CACNA2D3: variants seen among roughly 807,000 people sequenced by gnomAD.
CACNA2D3 encodes voltage-dependent calcium channel subunit alpha-2/delta-3.
CACNA2D3 carries 60 observed loss-of-function variants against 160.6 expected under a neutral mutation model. The ratio of observed to expected loss-of-function variants is 0.37; its 90% CI spans 0.30 to 0.46. The LOEUF (loss-of-function observed/expected upper bound fraction) is 0.46, where lower values mean the gene tolerates loss of function less well. CACNA2D3 is among the 20% of genes least tolerant of loss of function. The pLI is 1.00. For missense variants in CACNA2D3, 1,205 were observed against 1,365.0 expected (o/e 0.88, Z 1.85); for synonymous variants, 558 against 492.9 (o/e 1.13, Z -1.75).
chr3:54,919,581 T>C (rs1485395091), intron 27 of CACNA2D3, among the ~76,000 whole-genome samples: 7 of 152,160 alleles, frequency 4.6e-5, no homozygotes, highest in African/African-American at 1.7e-4. Flanking sequence ...TATCCTCAGG[T>C]GTGTAGACTG....
intron 30 of CACNA2D3, 142 bp downstream of exon 30, chr3:54,984,812 A>T (rs1315418063): frequency 1.6e-6 from 1 of 625,672 alleles, no homozygotes; most frequent in African/African-American, 1.9e-5. Context: ...CCTTATTTCC[A>T]TCCCTCTAAG....
chr3:55,007,406 G>C (rs1242399550), intron 32 of CACNA2D3, among the ~76,000 whole-genome samples: 1 of 152,172 alleles, frequency 6.6e-6, no homozygotes, highest in African/African-American at 2.4e-5. Flanking sequence ...TTTCCAAGAG[G>C]CTGCCCTGTA....
rs370252088 is a variant in CACNA2D3 at position 54,464,939 on chromosome 3, C to A, written c.382-38553C>A. ...TTCTCCTTAAATACATTTTCTATGC[C>A]TTTTCCCATCTCTTCTCCTTTTTGA... On this transcript the variant is annotated intron_variant, in intron 4 of 37. Transcript: ENST00000474759. Among the ~76,000 whole-genome samples, 189 of 152,228 alleles carry A rather than the reference C, an allele frequency of 1.2e-3. 3 individuals are homozygous for A. The South Asian group carries it at 0.039, about 31-fold the overall frequency.
chr3:54,656,113 T>C (rs1249359468), intron 11 of CACNA2D3, among the ~76,000 whole-genome samples: 1 of 152,204 alleles, frequency 6.6e-6, no homozygotes, highest in Non-Finnish European at 1.5e-5. Flanking sequence ...CATGGGACCC[T>C]GGACCAGGAT....
At position 54,704,963 on chromosome 3, in the gene CACNA2D3, T is replaced by TG. The variant is rs1375100373; in HGVS notation, c.1168-47630dup. Among the ~76,000 whole-genome samples, 4 of 152,144 alleles carry TG rather than the reference T, an allele frequency of 2.6e-5. No individual in the cohort carries two copies. In the East Asian group the frequency reaches 7.8e-4, roughly 29 times the overall value. On this transcript the variant is annotated intron_variant, in intron 11 of 37. Coordinates refer to ENST00000474759, the MANE Select transcript of CACNA2D3 (RefSeq NM_018398.3). ...TTGAAGTCAAAGTAATGGACTTTCC[T>TG]GGGGGGCTTTCTGCATTCTCTGAGC...
intron 4 of CACNA2D3, among the ~76,000 whole-genome samples, chr3:54,405,307 T>C (rs1483307021): frequency 6.7e-6 from 1 of 148,334 alleles, no homozygotes; most frequent in African/African-American, 2.5e-5. Flanking sequence ...AGGCTTCACA[T>C]TTCCTGTTAA....
At chr3:54,770,325 A>C (rs1702297670) in intron 13 of CACNA2D3, among the ~76,000 whole-genome samples, 1 of 152,216 alleles carries the variant, frequency 6.6e-6, no homozygotes, top group Non-Finnish European at 1.5e-5. Flanking sequence ...CATCATTCTC[A>C]AACAGTTGTT....
intron 4 of CACNA2D3, among the ~76,000 whole-genome samples, chr3:54,500,512 C>CCTTCCTTT (rs1701273056): frequency 2.6e-5 from 3 of 114,410 alleles, no homozygotes; most frequent in South Asian, 3.2e-4. Context: ...TATCTTCCTT[C>CCTTCCTTT]CTTCCTTCCT....
At chr3:54,406,367 A>G (rs554956004) in intron 4 of CACNA2D3, among the ~76,000 whole-genome samples, 87 of 152,226 alleles carry the variant, frequency 5.7e-4, no homozygotes, top group Admixed American at 9.8e-4. Flanking sequence ...GTATGTGTGT[A>G]TATATATGTA....
intron 2 of CACNA2D3, among the ~76,000 whole-genome samples, chr3:54,124,315 A>G (rs1250584413): frequency 6.6e-6 from 1 of 152,222 alleles, no homozygotes; most frequent in African/African-American, 2.4e-5. Flanking sequence ...TAAGCTTAAA[A>G]TTACATTGTG....
Position 55,073,542 on chromosome 3 carries a change from C to A in CACNA2D3, c.3085C>A (p.Pro1029Thr). The change falls in exon 36 of 38, where the codon CCC (proline) becomes ACC (threonine). Residue 1029 changes from proline (P) to threonine (T), a missense_variant. Transcript: ENST00000474759. Reference sequence around the variant, plus strand: ...ATCTGTGGCCCCCATCACCATGGCACCCATTGAAATCAGGTATATCCTTTT... The same window carrying A: ...ATCTGTGGCCCCCATCACCATGGCAACCATTGAAATCAGGTATATCCTTTT... Reference protein sequence around the residue: ...CESVAPITMAPIEIRYNESLK... With the variant: ...CESVAPITMATIEIRYNESLK... 6 of 1,613,484 alleles carry A rather than the reference C, an allele frequency of 3.7e-6. No individual in the cohort carries two copies. The highest frequency in any genetic ancestry group is 5.1e-6 in the Non-Finnish European group (6 of 1,179,482).
intron 12 of CACNA2D3, among the ~76,000 whole-genome samples, chr3:54,760,928 A>G (rs1489643081): frequency 6.6e-6 from 1 of 152,078 alleles, no homozygotes; most frequent in Non-Finnish European, 1.5e-5. Context: ...GGTGTCGGGT[A>G]TACAGTTGGC....
At chr3:54,737,180 ATATGTGTGTG>A (rs906770409) in intron 11 of CACNA2D3, among the ~76,000 whole-genome samples, 2 of 91,794 alleles carry the variant, frequency 2.2e-5, no homozygotes, top group Admixed American at 1.4e-4. Flanking sequence ...ATCCATGTGT[ATATGTGTGTG>A]TGTGTGTGTG....
chr3:54,893,372 C>A (rs533165737), intron 25 of CACNA2D3, among the ~76,000 whole-genome samples: 3 of 152,050 alleles, frequency 2.0e-5, no homozygotes, highest in African/African-American at 7.2e-5. Flanking sequence ...TTACGTGACC[C>A]ACAGAGTGGG....
intron 2 of CACNA2D3, among the ~76,000 whole-genome samples, chr3:54,158,770 T>A (rs1206203945): frequency 6.6e-6 from 1 of 152,220 alleles, no homozygotes; most frequent in Non-Finnish European, 1.5e-5. Flanking sequence ...TGCTTGAAGC[T>A]TCATGTCAGA....
chr3:54,706,305 C>A (rs994826651), intron 11 of CACNA2D3, among the ~76,000 whole-genome samples: 15 of 152,176 alleles, frequency 9.9e-5, no homozygotes, highest in Admixed American at 9.8e-4. Flanking sequence ...AGCCTAGGGG[C>A]TTTATCCCAA....
chr3:54,287,889 G>A (rs1205318626), intron 2 of CACNA2D3, among the ~76,000 whole-genome samples: 6 of 149,318 alleles, frequency 4.0e-5, no homozygotes, highest in East Asian at 2.0e-4. Context: ...GAGAACAAAG[G>A]CACAACATAC....
chr3:54,836,905 A>C (rs1698703118), intron 14 of CACNA2D3, among the ~76,000 whole-genome samples: 1 of 152,244 alleles, frequency 6.6e-6, no homozygotes, highest in Non-Finnish European at 1.5e-5. Context: ...CTTTGAACCA[A>C]AGTGGCTGAA....
At chr3:54,387,738 C>G (rs1699213827) in intron 4 of CACNA2D3, among the ~76,000 whole-genome samples, 1 of 152,166 alleles carries the variant, frequency 6.6e-6, no homozygotes, top group Non-Finnish European at 1.5e-5. Flanking sequence ...TAAATTGGCA[C>G]TTTGAGTTTT....
Sources: gnomAD v4.1 joint callset for allele counts (sites outside exome capture counted in the v4.1 genomes callset) on GRCh38, gnomAD v4.1.1 for gene constraint, MANE v1.5 for transcripts, NCBI Gene and HGNC (gene_info 2026-07-23, HGNC 2026-07-21) for gene names.